The following ROBO2 variants were observed in gnomAD, a reference collection of about 807,000 sequenced individuals.
ROBO2 encodes roundabout homolog 2.
Under a neutral mutation model 160.8 loss-of-function variants are expected in ROBO2, and 53 were observed. The observed-to-expected ratio is 0.33, with a 90% CI of 0.26 to 0.41. ROBO2 has a LOEUF of 0.41. ROBO2 is among the 10% of genes least tolerant of loss of function. ROBO2 has a pLI of 1.00. For missense variants in ROBO2, 1,577 were observed against 1,722.4 expected (o/e 0.92, Z 1.49); for synonymous variants, 664 against 611.7 (o/e 1.09, Z -1.26).
chr3:76,685,217 AT>A (rs1262737678), intron 2 of ROBO2, among the ~76,000 whole-genome samples: 5 of 143,500 alleles, frequency 3.5e-5, no homozygotes, highest in African/African-American at 1.1e-4. Flanking sequence ...TTTTCCAGTA[AT>A]TTCAGCTTAA....
intron 5 of ROBO2, among the ~76,000 whole-genome samples, chr3:77,518,540 A>C (rs1488724992): frequency 6.6e-6 from 1 of 151,418 alleles, no homozygotes; most frequent in Non-Finnish European, 1.5e-5. Context: ...AGTTGGAGAA[A>C]GACAAGGCAT....
intron 2 of ROBO2, among the ~76,000 whole-genome samples, chr3:76,694,856 C>A (rs1452652370): frequency 1.3e-5 from 2 of 151,918 alleles, no homozygotes; most frequent in African/African-American, 4.8e-5. Flanking sequence ...ACTTATTTTT[C>A]ACTTTGGGAG....
At chr3:76,344,197 G>A (rs545655905) in intron 2 of ROBO2, among the ~76,000 whole-genome samples, 1 of 152,202 alleles carries the variant, frequency 6.6e-6, no homozygotes, top group African/African-American at 2.4e-5. Context: ...TAAGAAAAGA[G>A]TCTGTTAAAA....
intron 2 of ROBO2, among the ~76,000 whole-genome samples, chr3:77,342,101 C>T (rs2067128691): frequency 1.3e-5 from 2 of 152,102 alleles, no homozygotes; most frequent in African/African-American, 2.4e-5. Context: ...AAAAGGCAAA[C>T]ATACTATAGA....
intron 2 of ROBO2, among the ~76,000 whole-genome samples, chr3:75,959,239 G>A (rs1014224412): frequency 3.3e-5 from 5 of 151,530 alleles, no homozygotes; most frequent in African/African-American, 4.8e-5. Context: ...AGCATTTTGG[G>A]TTGATGACCA....
At chr3:76,755,916 A>G (rs2060944404) in intron 2 of ROBO2, among the ~76,000 whole-genome samples, 1 of 151,792 alleles carries the variant, frequency 6.6e-6, no homozygotes, top group Non-Finnish European at 1.5e-5. Context: ...ACACATGATC[A>G]CCATCAGGAG....
In ROBO2 at chr3:77,562,722, G is replaced by C. The variant is rs957163138; in HGVS notation, c.1509G>C (p.Leu503=). 6.2e-6 allele frequency: 10 copies of C among 1,611,398 alleles called. No homozygotes were observed. In the African/African-American group the frequency reaches 1.2e-4, roughly 19 times the overall value. Residue 503 remains leucine, a synonymous_variant, in exon 10 of 26, where the codon CTG becomes CTC. Coordinates refer to ENST00000461745, the Ensembl canonical transcript of ROBO2. ...GAGAGACTTCCTGGAGTGCAGTGCT[G>C]GATGTGACAGGTGAGGACTTTGTGA... is the stretch of plus-strand genomic sequence containing the variant.
At chr3:76,819,686 C>T (rs563402764) in intron 2 of ROBO2, among the ~76,000 whole-genome samples, 3 of 152,032 alleles carry the variant, frequency 2.0e-5, no homozygotes, top group East Asian at 3.9e-4. Flanking sequence ...GGTCAACCTC[C>T]GTATTAGAGA....
intron 2 of ROBO2, among the ~76,000 whole-genome samples, chr3:76,204,472 G>A (rs934390662): frequency 6.6e-6 from 1 of 151,664 alleles, no homozygotes; most frequent in Non-Finnish European, 1.5e-5. Flanking sequence ...TGAGAGTTCT[G>A]TTTAAAATCG....
At chr3:77,086,585 A>G (rs1483675679) in intron 1 of ROBO2, among the ~76,000 whole-genome samples, 1 of 152,102 alleles carries the variant, frequency 6.6e-6, no homozygotes, top group East Asian at 1.9e-4. Context: ...ACATAAACCA[A>G]TCCATGATTT....
chr3:77,197,007 A>G lies in ROBO2; in HGVS notation c.388+98667A>G, dbSNP rs538084657. Among the ~76,000 whole-genome samples the G allele has an allele frequency of 3.3e-5, 5 of 152,164 alleles. No homozygotes were observed. In the South Asian group the frequency reaches 1.0e-3, roughly 31 times the overall value. On this transcript the variant is annotated intron_variant, in intron 2 of 25. Coordinates refer to ENST00000461745, the Ensembl canonical transcript of ROBO2. ...AGGTAGAGAAAAAAAAAACAAGAAA[A>G]AGAAAAAGTAAAATGAATAATGCAG...
intron 2 of ROBO2, among the ~76,000 whole-genome samples, chr3:76,819,545 C>T (rs1445612105): frequency 3.3e-5 from 5 of 151,944 alleles, no homozygotes; most frequent in African/African-American, 1.2e-4. Flanking sequence ...AAAAGTGTAA[C>T]TTAAGGAAGG....
At chr3:76,828,448 C>T (rs1259291979) in intron 2 of ROBO2, among the ~76,000 whole-genome samples, 1 of 152,082 alleles carries the variant, frequency 6.6e-6, no homozygotes, top group Non-Finnish European at 1.5e-5. Context: ...TTTTCACTTA[C>T]TCTTAGCACA....
chr3:76,340,781 G>A (rs2074177301), intron 2 of ROBO2, among the ~76,000 whole-genome samples: 1 of 151,954 alleles, frequency 6.6e-6, no homozygotes. Context: ...ACTTTTTTTA[G>A]TTCTAAAAAA....
In ROBO2 at chr3:77,596,926, G is replaced by T. The variant is rs143150168; in HGVS notation, c.2854+176G>T. ...TTTGCTAAATATTTTAATATAAAAC[G>T]ATTGTATCTTCATTACCTTGAGTAA... On this transcript the variant is annotated intron_variant, in intron 19 of 25. Coordinates refer to ENST00000461745, the Ensembl canonical transcript of ROBO2. 1.8e-3 allele frequency among the ~76,000 whole-genome samples: 279 copies of T among 151,762 alleles called. 1 individual carries two copies. The highest frequency in any genetic ancestry group is 6.3e-3 in the African/African-American group (261 of 41,392).
chr3:76,483,137 G>A (rs750482515), intron 2 of ROBO2, among the ~76,000 whole-genome samples: 29 of 152,018 alleles, frequency 1.9e-4, no homozygotes, highest in Middle Eastern at 3.4e-3. Flanking sequence ...AAACTAATAG[G>A]AACTATAGTG....
At chr3:76,619,556 C>G (rs1420530167) in intron 2 of ROBO2, among the ~76,000 whole-genome samples, 1 of 152,170 alleles carries the variant, frequency 6.6e-6, no homozygotes, top group Non-Finnish European at 1.5e-5. Context: ...GTATTCTTCT[C>G]CATACAGTAA....
At chr3:77,358,944 T>C (rs1356975786) in intron 2 of ROBO2, among the ~76,000 whole-genome samples, 1 of 152,198 alleles carries the variant, frequency 6.6e-6, no homozygotes, top group South Asian at 2.1e-4. Context: ...TGTTGCTGAG[T>C]ATGCTTTGTG....
At chr3:77,557,842 T>C in intron 8 of ROBO2, 102 bp from the exon 10 acceptor site, 1 of 866,380 alleles carries the variant, frequency 1.2e-6, no homozygotes, top group Non-Finnish European at 2.0e-6. Context: ...TTATAAGTAA[T>C]ATATATTGTG....
Sources: gnomAD v4.1 joint callset for allele counts (sites outside exome capture counted in the v4.1 genomes callset) on GRCh38, gnomAD v4.1.1 for gene constraint, MANE v1.5 for transcripts, NCBI Gene and HGNC (gene_info 2026-07-23, HGNC 2026-07-21) for gene names.